Variants in SEPTIN2 observed in about 807,000 individuals in gnomAD.
SEPTIN2 encodes septin 2, also known as septin-2.
Under a neutral mutation model 46.5 loss-of-function variants are expected in SEPTIN2, and 34 were observed. The observed-to-expected ratio is 0.73, with a 90% CI of 0.56 to 0.97. The LOEUF is 0.97. Ranked by LOEUF, SEPTIN2 falls within the 50% of genes least tolerant of loss-of-function variation. The probability of loss-of-function intolerance (pLI) is 0.00; values close to 1 mark genes in which losing one functional copy is unlikely to be tolerated. For synonymous variants in SEPTIN2, 175 were observed against 153.4 expected, an observed-to-expected ratio of 1.14 and a Z score of -1.04; for missense variants, 347 against 448.4, an observed-to-expected ratio of 0.77 and a Z score of 2.04.
intron 2 of SEPTIN2, chr2:241,324,575 C>T (rs1418025904): frequency 1.5e-5 from 6 of 391,396 alleles, no homozygotes; most frequent in East Asian, 7.5e-5. Context: ...TTAGTAAATT[C>T]GGGGTTTCAC....
At chr2:241,327,321 C>T (rs1389221143) in intron 3 of SEPTIN2, among the ~76,000 whole-genome samples, 1 of 151,132 alleles carries the variant, frequency 6.6e-6, no homozygotes, top group East Asian at 1.9e-4. Context: ...GATTAAGATA[C>T]AACCGAAATA....
chr2:241,336,115 C>T lies in SEPTIN2; in HGVS notation c.341+17C>T, dbSNP rs2079930433. The T allele has an allele frequency of 1.9e-6, 3 of 1,611,614 alleles. No homozygotes were observed. The highest frequency in any genetic ancestry group is 1.7e-5 in the Admixed American group (1 of 59,680). ...CAGAGATTGGTATGCTCCCCCATGCCCAGGGATCTGCATTTGTTTACTTAA... is the reference window on the plus strand; with the variant it reads ...CAGAGATTGGTATGCTCCCCCATGCTCAGGGATCTGCATTTGTTTACTTAA... On this transcript the variant is annotated intron_variant, in intron 5 of 12. Coordinates refer to ENST00000391971, the MANE Select transcript of SEPTIN2 (RefSeq NM_004404.5).
intron 12 of SEPTIN2, 112 bp downstream of exon 12, chr2:241,350,315 C>T (rs2060668182): frequency 4.1e-6 from 2 of 486,736 alleles, no homozygotes; most frequent in East Asian, 3.6e-5. Context: ...TTTGAAGTAA[C>T]TCCATCACTA....
In SEPTIN2 at chr2:241,353,109, C is replaced by T. The variant is rs1290086317; in HGVS notation, c.*1172C>T. ...TAATTTTCTGATGGGAGGAAAGTAGCAGTCATCATCTTTTTGTGTGCAGGC... is the reference window on the plus strand; with the variant it reads ...TAATTTTCTGATGGGAGGAAAGTAGTAGTCATCATCTTTTTGTGTGCAGGC... On this transcript the variant is annotated 3_prime_UTR_variant, in exon 13 of 13. Coordinates refer to ENST00000391971, the MANE Select transcript of SEPTIN2 (RefSeq NM_004404.5). The T allele has an allele frequency of 6.6e-6, 1 of 152,200 alleles. No homozygotes were observed. Among genetic ancestry groups the T allele is most frequent in the Non-Finnish European group, 1.5e-5 (1 of 68,038 alleles). The allele number at this position is 152,200 out of a possible 1,614,324, so 9.4% of individuals were successfully genotyped here.
At chr2:241,322,053 A>T (rs1045723124) in intron 1 of SEPTIN2, among the ~76,000 whole-genome samples, 4 of 152,192 alleles carry the variant, frequency 2.6e-5, no homozygotes, top group African/African-American at 9.7e-5. Context: ...AACACTGGGG[A>T]TGCAGGGATC....
chr2:241,315,507 C>T (rs2076041188), upstream of SEPTIN2: 1 of 152,702 alleles, frequency 6.5e-6, no homozygotes, highest in Non-Finnish European at 1.5e-5. Context: ...GCACTTGTCT[C>T]CTTCTAACAA....
At chr2:241,316,817 A>G (rs928994606) in intron 1 of SEPTIN2, 3 of 351,574 alleles carry the variant, frequency 8.5e-6, no homozygotes, top group Non-Finnish European at 1.5e-5. Flanking sequence ...ACCTTTGGCC[A>G]TTGCCCAAAC....
At chr2:241,324,124 T>C (rs902839692) in intron 1 of SEPTIN2, 92 bp from the exon 2 acceptor site, 1 of 1,183,906 alleles carries the variant, frequency 8.4e-7, no homozygotes, top group African/African-American at 1.5e-5. Context: ...GTAAGTCTTC[T>C]TCAGGTCAGT....
intron 10 of SEPTIN2, among the ~76,000 whole-genome samples, chr2:241,347,075 G>C (rs1329184324): frequency 9.9e-5 from 15 of 152,090 alleles, no homozygotes; most frequent in Admixed American, 9.8e-4. Context: ...GGCAACATAG[G>C]GAGACCTCGC....
rs11554051 is a variant in SEPTIN2, at chr2:241,350,154, G to C, written c.1066G>C (p.Ala356Pro). The part of the protein sequence containing the change: ...QMQGGDGDGG[A>P]LGHHV ...GCAGGGCGGGGATGGCGATGGCGGG[G>C]CTCTCGGGCACCACGTGTAAGGTGA... Residue 356 changes from alanine (A) to proline (P), a missense_variant, in exon 12 of 13, where the codon GCT becomes CCT. Physicochemically the swap from Ala to Pro is conservative, Grantham distance 27. Coordinates refer to ENST00000391971, the MANE Select transcript of SEPTIN2 (RefSeq NM_004404.5). 5.0e-6 allele frequency: 8 copies of C among 1,613,478 alleles called. No homozygotes were observed. Among genetic ancestry groups the C allele is most frequent in the Middle Eastern group, 1.6e-4 (1 of 6,082 alleles).
At chr2:241,338,603 A>T (rs141283512) in intron 7 of SEPTIN2, among the ~76,000 whole-genome samples, 14,520 of 130,470 alleles carry the variant, frequency 0.11, 1,039 homozygotes, top group Non-Finnish European at 0.15. Flanking sequence ...ATATATATAT[A>T]TTTTATATAT....
intron 3 of SEPTIN2, among the ~76,000 whole-genome samples, chr2:241,327,635 C>T (rs1027454373): frequency 4.6e-5 from 7 of 151,684 alleles, no homozygotes; most frequent in East Asian, 1.9e-4. Flanking sequence ...TACACCAGGA[C>T]GCATCATAAC....
chr2:241,325,806 T>C (rs775021331), intron 2 of SEPTIN2, among the ~76,000 whole-genome samples, 187 bp from the exon 3 acceptor site: 1 of 152,158 alleles, frequency 6.6e-6, no homozygotes, highest in Non-Finnish European at 1.5e-5. Flanking sequence ...TAAGTTTTTC[T>C]TTTTTTAATG....
intron 9 of SEPTIN2, among the ~76,000 whole-genome samples, chr2:241,344,756 T>A (rs1472963475): frequency 1.3e-5 from 2 of 152,042 alleles, no homozygotes; most frequent in East Asian, 3.9e-4. Context: ...ATGCATACAT[T>A]GCTTTTACTC....
In SEPTIN2 at chr2:241,348,148, A is replaced by C; in HGVS notation, c.941A>C (p.Glu314Ala). 2 of 1,612,748 alleles carry C rather than the reference A, an allele frequency of 1.2e-6. No individual in the cohort carries two copies. The highest frequency in any genetic ancestry group is 1.7e-6 in the Non-Finnish European group (2 of 1,179,294). The stretch of plus-strand genomic sequence containing the variant: ...TCGATTCTTAGGAAAGTGGAGAATG[A>C]GGACATGAATAAAGACCAGATCTTG... ...LKRGGRKVEN[E>A]DMNKDQILLE... The change falls in exon 11 of 13, where the codon GAG (glutamate) becomes GCG (alanine). Residue 314 changes from glutamate (E) to alanine (A), a missense_variant. By Grantham distance (107) the Glu-to-Ala change is moderately radical. Transcript: ENST00000391971.
chr2:241,317,751 TCCGG>T (rs201754639), intron 1 of SEPTIN2, among the ~76,000 whole-genome samples: 24,036 of 152,002 alleles, frequency 0.16, 2,072 homozygotes, highest in Middle Eastern at 0.27. Context: ...TCATGGACCT[TCCGG>T]GTTCTACATC....
intron 1 of SEPTIN2, among the ~76,000 whole-genome samples, chr2:241,319,313 A>G (rs1348630710): frequency 1.3e-5 from 2 of 152,238 alleles, no homozygotes; most frequent in South Asian, 2.1e-4. Context: ...CTTCATAATC[A>G]TCCAGGCAGT....
chr2:241,346,093 G>C, intron 9 of SEPTIN2, 73 bp from the exon 10 acceptor site: 1 of 1,023,318 alleles, frequency 9.8e-7, no homozygotes, highest in Non-Finnish European at 1.5e-6. Context: ...CTATGTACTT[G>C]ATGGGTGGTT....
At chr2:241,348,954 T>TA (rs1180416326) in intron 11 of SEPTIN2, among the ~76,000 whole-genome samples, 4 of 152,220 alleles carry the variant, frequency 2.6e-5, no homozygotes, top group African/African-American at 9.6e-5. Flanking sequence ...ATTTAAATGT[T>TA]AAAAATAACC....
Sources: allele counts gnomAD v4.1 joint callset (sites outside exome capture counted in the v4.1 genomes callset), GRCh38; gene constraint gnomAD v4.1.1; transcripts MANE v1.5; gene names NCBI Gene and HGNC (gene_info 2026-07-23, HGNC 2026-07-21).